Variants in NR4A1 observed in about 807,000 individuals in gnomAD.
NR4A1 encodes the protein nuclear receptor subfamily 4 group A member 1.
A neutral mutation model predicts 47.5 loss-of-function variants in NR4A1; 24 were observed. The ratio of observed to expected loss-of-function variants is 0.50; its 90% CI spans 0.37 to 0.71. The LOEUF (loss-of-function observed/expected upper bound fraction) is 0.71, where lower values mean the gene tolerates loss of function less well. Among genes scored for constraint, NR4A1 ranks in the 30% least tolerant of loss-of-function variants. The pLI is 0.00. For synonymous variants in NR4A1, 353 were observed against 345.7 expected (o/e 1.02, Z -0.24); for missense variants, 669 against 788.6 (o/e 0.85, Z 1.82).
chr12:52,038,047 C>T, intron 1 of NR4A1: 2 of 987,520 alleles, frequency 2.0e-6, no homozygotes, highest in Non-Finnish European at 2.4e-6. Context: ...TGACTTGGCT[C>T]ATTCCCCCCC....
chr12:52,054,270 C>A, intron 1 of NR4A1, 57 bp from the exon 2 acceptor site: 1 of 1,449,876 alleles, frequency 6.9e-7, no homozygotes, highest in Non-Finnish European at 9.4e-7. Flanking sequence ...TGAGACAAGG[C>A]TATAGGCTTG....
upstream of NR4A1, among the ~76,000 whole-genome samples, chr12:52,047,525 G>A (rs2121020787): frequency 6.6e-6 from 1 of 152,358 alleles, no homozygotes; most frequent in East Asian, 1.9e-4. Flanking sequence ...TCAGAATGTG[G>A]TGTGTTGAGC....
In NR4A1 at chr12:52,057,364, C is replaced by T. The variant is rs768492255; in HGVS notation, c.1374C>T (p.Gly458=). Residue 458 remains glycine (G), a synonymous_variant, in exon 6 of 7, where the codon GGC becomes GGT. Coordinates refer to ENST00000394825, the MANE Select transcript of NR4A1 (RefSeq NM_173157.3). ...ATCTGCCTGCCAGGTCTAAGCCAGGCGAGGGCAAGCTCATCTTCTGCTCAG... is the reference window on the plus strand; with the variant it reads ...ATCTGCCTGCCAGGTCTAAGCCAGGTGAGGGCAAGCTCATCTTCTGCTCAG... ...ILRLAYRSKP[G]EGKLIFCSGL... The T allele has an allele frequency of 3.6e-5, 58 of 1,614,084 alleles. No homozygotes were observed. Among genetic ancestry groups the T allele is most frequent in the Admixed American group, 1.5e-4 (9 of 60,012 alleles).
chr12:52,051,353 A>C, upstream of NR4A1: 1 of 983,942 alleles, frequency 1.0e-6, no homozygotes. Flanking sequence ...TGTATGGCCA[A>C]AGCTCGACGG....
At chr12:52,025,403 C>G (rs890766884) in intron 1 of NR4A1, among the ~76,000 whole-genome samples, 3 of 152,260 alleles carry the variant, frequency 2.0e-5, no homozygotes, top group Admixed American at 6.5e-5. Flanking sequence ...CACTGTTCTT[C>G]CGGCGTACCC....
At chr12:52,046,020 T>A (rs990113947) in intron 2 of NR4A1, among the ~76,000 whole-genome samples, 1 of 152,202 alleles carries the variant, frequency 6.6e-6, no homozygotes, top group Non-Finnish European at 1.5e-5. Flanking sequence ...CCAGGGCCAC[T>A]TCTGAGCTGG....
chr12:52,024,142 G>C (rs1291498255), intron 1 of NR4A1, among the ~76,000 whole-genome samples: 1 of 152,218 alleles, frequency 6.6e-6, no homozygotes, highest in Non-Finnish European at 1.5e-5. Context: ...CCGCGAAGGA[G>C]CCTGTGAGTG....
chr12:52,039,429 G>C (rs1938356514), intron 1 of NR4A1, among the ~76,000 whole-genome samples: 1 of 152,218 alleles, frequency 6.6e-6, no homozygotes, highest in Non-Finnish European at 1.5e-5. Context: ...CTGTGGGCCA[G>C]TGCAGGGGAC....
upstream of NR4A1, among the ~76,000 whole-genome samples, chr12:52,049,145 G>C (rs1261279913): frequency 6.6e-6 from 1 of 152,128 alleles, no homozygotes; most frequent in Non-Finnish European, 1.5e-5. Flanking sequence ...TTTATGAAGG[G>C]GGTTGGCTCC....
intron 1 of NR4A1, among the ~76,000 whole-genome samples, chr12:52,030,258 A>G (rs1938092216): frequency 6.6e-6 from 1 of 152,132 alleles, no homozygotes; most frequent in Admixed American, 6.5e-5. Context: ...AAGCCATGAA[A>G]TGAAGGGCAA....
At chr12:52,045,095 G>A (rs1938581928) in intron 2 of NR4A1, among the ~76,000 whole-genome samples, 1 of 152,188 alleles carries the variant, frequency 6.6e-6, no homozygotes, top group African/African-American at 2.4e-5. Flanking sequence ...TGCATACACA[G>A]TCTAGAATTC....
chr12:52,037,570 G>GC (rs1309151755), intron 1 of NR4A1: 13 of 983,766 alleles, frequency 1.3e-5, no homozygotes, highest in Non-Finnish European at 1.6e-5. Flanking sequence ...GGGAGTCGGG[G>GC]GGGGGACTGG....
intron 1 of NR4A1, chr12:52,037,394 G>T (rs946430507): frequency 4.7e-5 from 46 of 985,632 alleles, no homozygotes; most frequent in Middle Eastern, 5.2e-4. Flanking sequence ...CGGCTGGTGC[G>T]CGACCCCGGA....
chr12:52,046,030 G>C (rs1441599235), intron 2 of NR4A1, among the ~76,000 whole-genome samples: 1 of 152,214 alleles, frequency 6.6e-6, no homozygotes, highest in Non-Finnish European at 1.5e-5. Flanking sequence ...TTCTGAGCTG[G>C]AGAAGGCAAA....
chr12:52,041,678 C>T (rs1223375391), intron 1 of NR4A1: 3 of 1,038,796 alleles, frequency 2.9e-6, no homozygotes, highest in Non-Finnish European at 3.7e-6. Context: ...GGTCCTTGGG[C>T]GCTGGCTTGT....
chr12:52,055,410 C>G (rs948897590), intron 2 of NR4A1: 5 of 652,758 alleles, frequency 7.7e-6, no homozygotes, highest in East Asian at 2.7e-5. Flanking sequence ...CACTCGGGCC[C>G]ATGGGATTGC....
chr12:52,045,681 C>A (rs1938606229), intron 2 of NR4A1: 1 of 321,428 alleles, frequency 3.1e-6, no homozygotes, highest in African/African-American at 2.2e-5. Context: ...GACAAAGATG[C>A]CTCTGATAGC....
chr12:52,041,148 T>C (rs370470244), intron 1 of NR4A1, among the ~76,000 whole-genome samples: 29 of 152,220 alleles, frequency 1.9e-4, no homozygotes, highest in African/African-American at 6.0e-4. Flanking sequence ...GTAGTAGATA[T>C]GTGTATCCAG....
chr12:52,030,273 C>T (rs1339184045), intron 1 of NR4A1, among the ~76,000 whole-genome samples: 3 of 152,168 alleles, frequency 2.0e-5, no homozygotes, highest in Non-Finnish European at 4.4e-5. Context: ...GGGCAAATCC[C>T]TTCACCTCTG....
Sources: allele counts gnomAD v4.1 joint callset (sites outside exome capture counted in the v4.1 genomes callset), GRCh38; gene constraint gnomAD v4.1.1; transcripts MANE v1.5; gene names NCBI Gene and HGNC (gene_info 2026-07-23, HGNC 2026-07-21).